FOXO3: variants seen among roughly 807,000 people sequenced by gnomAD.
FOXO3 encodes the protein forkhead box protein O3.
A neutral mutation model predicts 41.9 loss-of-function variants in FOXO3; 4 were observed. That is an observed-to-expected ratio of 0.10 (90% CI 0.05 to 0.22). The LOEUF (loss-of-function observed/expected upper bound fraction) is 0.22, where lower values mean the gene tolerates loss of function less well. Ranked by LOEUF, FOXO3 falls within the 10% of genes least tolerant of loss-of-function variation. The pLI is 1.00. For missense variants in FOXO3, 534 were observed against 906.8 expected, an observed-to-expected ratio of 0.59 and a Z score of 5.28; for synonymous variants, 318 against 389.3, an observed-to-expected ratio of 0.82 and a Z score of 2.16.
At chr6:108,560,272 G>A (rs1775734951), upstream of FOXO3, among the ~76,000 whole-genome samples, 1 of 152,222 alleles carries the variant, frequency 6.6e-6, no homozygotes, top group Non-Finnish European at 1.5e-5. Context: ...CCTGTTGGAA[G>A]ATTTATGTTC....
chr6:108,588,826 G>A (rs1776657061), intron 1 of FOXO3, among the ~76,000 whole-genome samples: 1 of 152,154 alleles, frequency 6.6e-6, no homozygotes, highest in Admixed American at 6.5e-5. Context: ...TTTCTGCTGT[G>A]CTGGGATTAT....
At chr6:108,572,198 A>G (rs1776121496) in intron 1 of FOXO3, among the ~76,000 whole-genome samples, 1 of 152,144 alleles carries the variant, frequency 6.6e-6, no homozygotes. Context: ...GCTTTGGTGT[A>G]GAAGAGTCTG....
chr6:108,594,485 A>C (rs1776818988), intron 1 of FOXO3, among the ~76,000 whole-genome samples: 1 of 152,200 alleles, frequency 6.6e-6, no homozygotes, highest in African/African-American at 2.4e-5. Flanking sequence ...GAGAGTTCCC[A>C]GGGTTTTTCT....
chr6:108,609,103 C>T (rs1052433465), intron 1 of FOXO3, among the ~76,000 whole-genome samples: 7 of 152,104 alleles, frequency 4.6e-5, no homozygotes, highest in African/African-American at 1.7e-4. Context: ...AAGAGGTTAT[C>T]GGAGGTTAGT....
chr6:108,613,885 A>G (rs954053783), intron 1 of FOXO3, among the ~76,000 whole-genome samples: 1 of 152,194 alleles, frequency 6.6e-6, no homozygotes, highest in Non-Finnish European at 1.5e-5. Context: ...ATTCCTTGCT[A>G]CAACTGCTAT....
chr6:108,599,862 A>G (rs928281320), intron 1 of FOXO3, among the ~76,000 whole-genome samples: 1 of 152,146 alleles, frequency 6.6e-6, no homozygotes, highest in Admixed American at 6.5e-5. Context: ...ATCTCATCTC[A>G]AATTTCCTTC....
chr6:108,657,856 T>C (rs1778733126), intron 1 of FOXO3, among the ~76,000 whole-genome samples: 1 of 152,216 alleles, frequency 6.6e-6, no homozygotes, highest in South Asian at 2.1e-4. Context: ...TTTCCTGCTT[T>C]ACCAACATTT....
At chr6:108,612,405 C>T (rs112033712) in intron 1 of FOXO3, among the ~76,000 whole-genome samples, 3,270 of 151,958 alleles carry the variant, frequency 0.022, 119 homozygotes, top group African/African-American at 0.073. Context: ...TCTGGCCAGG[C>T]GCGGTGGCTC....
At position 108,680,292 on chromosome 6, in the gene FOXO3, T is replaced by A. The variant is rs183595325; in HGVS notation, c.*500T>A. ...CAAATTTAAAAACAGAAAGAAAATG[T>A]TGTACCAGTTACCATTCCGGGTTCG... On this transcript the variant is annotated 3_prime_UTR_variant, in exon 3 of 3. Transcript: ENST00000406360. 13 of 152,758 alleles carry A rather than the reference T, an allele frequency of 8.5e-5. No individual in the cohort carries two copies. Among genetic ancestry groups the A allele is most frequent in the Admixed American group, 8.5e-4 (13 of 15,298 alleles). The allele number at this position is 152,758 out of a possible 1,614,324, so 9.5% of individuals were successfully genotyped here.
At chr6:108,571,755 G>T (rs891956834) in intron 1 of FOXO3, among the ~76,000 whole-genome samples, 1 of 152,202 alleles carries the variant, frequency 6.6e-6, no homozygotes, top group Non-Finnish European at 1.5e-5. Flanking sequence ...GACTGAGAAA[G>T]AATGAATTTT....
rs369428453 is a variant in FOXO3 at position 108,664,118 on chromosome 6, T to C, written c.1285T>C (p.Ser429Pro). The C allele has an allele frequency of 1.2e-6, 2 of 1,613,932 alleles. No individual in the cohort carries two copies. The highest frequency in any genetic ancestry group is 2.7e-5 in the African/African-American group (2 of 74,878). The change falls in exon 2 of 3, where the codon TCC becomes CCC. Residue 429 changes from serine (S) to proline (P), a missense_variant. Physicochemically the swap from Ser to Pro is moderately conservative, Grantham distance 74 (BLOSUM62 -1). This residue lies in a region of FOXO3 where 185 missense variants were observed against 224.9 expected (regional missense o/e 0.82). Coordinates refer to ENST00000406360, the MANE Select transcript of FOXO3 (RefSeq NM_001455.4). Reference protein sequence around the residue: ...KGSGLGSPTSSFNSTVFGPSS... With the variant: ...KGSGLGSPTSPFNSTVFGPSS... ...CTCGGGCCTGGGCTCCCCAACCAGC[T>C]CCTTTAACAGCACGGTGTTCGGACC...
intron 1 of FOXO3, among the ~76,000 whole-genome samples, chr6:108,589,823 T>C (rs1237808509): frequency 2.0e-5 from 3 of 152,240 alleles, no homozygotes; most frequent in Admixed American, 1.3e-4. Flanking sequence ...ATTGTAAGTA[T>C]GTTAAAAACA....
chr6:108,630,767 A>T (rs1404373032), intron 1 of FOXO3, among the ~76,000 whole-genome samples: 2 of 152,058 alleles, frequency 1.3e-5, no homozygotes, highest in African/African-American at 4.8e-5. Flanking sequence ...AGTATTTTTA[A>T]AAAAAAGCTT....
rs893892231 is a variant in FOXO3 at position 108,679,223 on chromosome 6, G to A, written c.*35-604G>A. On this transcript the variant is annotated intron_variant, in intron 2 of 2. Coordinates refer to ENST00000406360, the MANE Select transcript of FOXO3 (RefSeq NM_001455.4). Reference sequence around the variant, plus strand: ...CTTAGTAATTACTTACTCTTTTTATGGTGGGGAATAGGGGAGTCAAGATTA... The same window carrying A: ...CTTAGTAATTACTTACTCTTTTTATAGTGGGGAATAGGGGAGTCAAGATTA... Among the ~76,000 whole-genome samples, 6 of 152,134 alleles carry A rather than the reference G, an allele frequency of 3.9e-5. 1 individual carries two copies. The South Asian group carries it at 1.2e-3, about 32-fold the overall frequency.
Position 108,680,709 on chromosome 6 carries a change from C to T in FOXO3, c.*917C>T, listed in dbSNP as rs551146425. 6.6e-6 allele frequency: 1 copy of T among 150,864 alleles called. No individual in the cohort carries two copies. Among genetic ancestry groups the T allele is most frequent in the Non-Finnish European group, 1.5e-5 (1 of 67,800 alleles). The allele number at this position is 150,864 out of a possible 1,614,324, so 9.3% of individuals were successfully genotyped here. A position where few individuals can be genotyped will look rare whatever the true frequency, so the allele number is the denominator to read the frequency against. On this transcript the variant is annotated 3_prime_UTR_variant, in exon 3 of 3. Coordinates refer to ENST00000406360, the MANE Select transcript of FOXO3 (RefSeq NM_001455.4). ...AATCAGCTCAGCTCTCCACTCATTG[C>T]CAAATGTCACTAAAGGGTTTAGTTT...
intron 2 of FOXO3, among the ~76,000 whole-genome samples, chr6:108,665,779 A>G (rs1467604335): frequency 6.8e-6 from 1 of 147,986 alleles, no homozygotes; most frequent in Non-Finnish European, 1.5e-5. Context: ...ACTGCACTCC[A>G]TCCTGGGTGG....
intron 1 of FOXO3, among the ~76,000 whole-genome samples, chr6:108,651,675 G>A (rs1778551519): frequency 1.3e-5 from 2 of 152,192 alleles, no homozygotes; most frequent in African/African-American, 4.8e-5. Context: ...AAACTCTCAA[G>A]CTGTTTAACT....
At chr6:108,571,627 C>T (rs1776100596) in intron 1 of FOXO3, among the ~76,000 whole-genome samples, 1 of 152,166 alleles carries the variant, frequency 6.6e-6, no homozygotes, top group African/African-American at 2.4e-5. Context: ...AGCCAAAGAA[C>T]ACCAAGGATT....
At chr6:108,593,854 T>TG (rs201816254) in intron 1 of FOXO3, among the ~76,000 whole-genome samples, 3,183 of 151,724 alleles carry the variant, frequency 0.021, 113 homozygotes, top group African/African-American at 0.071. Context: ...GTAGCTGGGA[T>TG]TACAGGCATG....
Sources: gnomAD v4.1 joint callset for allele counts (sites outside exome capture counted in the v4.1 genomes callset) on GRCh38, gnomAD v4.1.1 for gene constraint, gnomAD v4.1.1 regional missense constraint, MANE v1.5 for transcripts, NCBI Gene and HGNC (gene_info 2026-07-23, HGNC 2026-07-21) for gene names.